The following INPP5A variants were observed in gnomAD, a reference collection of about 807,000 sequenced individuals.
INPP5A encodes the protein inositol polyphosphate-5-phosphatase A.
INPP5A carries 14 observed loss-of-function variants against 65.2 expected under a neutral mutation model. The observed-to-expected ratio is 0.21, with a 90% CI of 0.14 to 0.34. INPP5A has a LOEUF of 0.34. Ranked by LOEUF, INPP5A falls within the 10% of genes least tolerant of loss-of-function variation. The pLI is 1.00. For missense variants in INPP5A, 431 were observed against 545.6 expected, an observed-to-expected ratio of 0.79 and a Z score of 2.09; for synonymous variants, 207 against 208.3, an observed-to-expected ratio of 0.99 and a Z score of 0.05.
At chr10:132,625,110 T>TC (rs1298095727) in intron 2 of INPP5A, among the ~76,000 whole-genome samples, 2 of 52,820 alleles carry the variant, frequency 3.8e-5, no homozygotes, top group Non-Finnish European at 7.1e-5. Flanking sequence ...CCTCTCTCCC[T>TC]CCCCCCTCCC....
At chr10:132,630,057 G>C (rs1298553776) in intron 2 of INPP5A, among the ~76,000 whole-genome samples, 2 of 152,014 alleles carry the variant, frequency 1.3e-5, no homozygotes, top group African/African-American at 4.8e-5. Context: ...GGAGGAGGGC[G>C]TCCTCGAGGA....
chr10:132,775,616 C>T (rs764947119), intron 12 of INPP5A, among the ~76,000 whole-genome samples: 50 of 152,274 alleles, frequency 3.3e-4, no homozygotes, highest in Non-Finnish European at 6.8e-4. Context: ...GGCCAGGACA[C>T]CTCTCTCACC....
At chr10:132,700,236 T>C (rs1472559519) in intron 6 of INPP5A, among the ~76,000 whole-genome samples, 2 of 152,246 alleles carry the variant, frequency 1.3e-5, no homozygotes. Flanking sequence ...CCTCTTTGTG[T>C]GGACCCGTCT....
In INPP5A at chr10:132,714,047, G is replaced by A. The variant is rs2134542358; in HGVS notation, c.647+3591G>A. 2.0e-5 allele frequency among the ~76,000 whole-genome samples: 3 copies of A among 152,310 alleles called. No homozygotes were observed. In the Middle Eastern group the frequency reaches 0.01, roughly 518 times the overall value. On this transcript the variant is annotated intron_variant, in intron 8 of 15. Coordinates refer to ENST00000368594, the MANE Select transcript of INPP5A (RefSeq NM_005539.5). ...ACCAAGCGTCTCGGGGACCTCCCAC[G>A]GAGCCCAGGAGCAGGGAGGGCCCTG...
rs5789138 is a variant in INPP5A, at chr10:132,782,250, GTT to G, written c.*238_*239del. On this transcript the variant is annotated 3_prime_UTR_variant, in exon 16 of 16. Coordinates refer to ENST00000368594, the MANE Select transcript of INPP5A (RefSeq NM_005539.5). This position sits in a 1 kb window ranked among gnomAD's most constrained non-coding sequence, Gnocchi z 4.4. ...TATGTGACATTAAGTAGAAATATTG[GTT>G]TTTTTTTTTTTTTTTTAAATAAGTC... The G allele has an allele frequency of 0.074, 24,136 of 324,378 alleles. 11 individuals carry two copies. Among genetic ancestry groups the G allele is most frequent in the South Asian group, 0.12 (4,908 of 39,664 alleles). 20.1% of individuals were successfully genotyped at this position (324,378 alleles called of 1,614,324 possible). A position where few individuals can be genotyped will look rare whatever the true frequency, so the allele number is the denominator to read the frequency against.
intron 4 of INPP5A, among the ~76,000 whole-genome samples, chr10:132,670,848 T>C (rs1453962499): frequency 2.5e-3 from 379 of 149,916 alleles, no homozygotes; most frequent in African/African-American, 4.6e-3. Flanking sequence ...TCTTTCTTTT[T>C]TTTTTTTTTT....
chr10:132,751,847 C>T (rs183383387), intron 11 of INPP5A, among the ~76,000 whole-genome samples: 133 of 146,522 alleles, frequency 9.1e-4, no homozygotes, highest in African/African-American at 3.2e-3. Flanking sequence ...TTCGTGGAGG[C>T]GGGTGCCCAG....
At chr10:132,666,809 C>T (rs2072810973) in intron 4 of INPP5A, among the ~76,000 whole-genome samples, 1 of 152,216 alleles carries the variant, frequency 6.6e-6, no homozygotes, top group Non-Finnish European at 1.5e-5. Flanking sequence ...TGCAGACCTT[C>T]TCGGCAGGCT....
At chr10:132,759,909 C>T (rs538531586) in intron 11 of INPP5A, among the ~76,000 whole-genome samples, 22 of 152,264 alleles carry the variant, frequency 1.4e-4, no homozygotes, top group Admixed American at 9.8e-4. Context: ...TCACTGTGCC[C>T]GGTGCATTCA....
Position 132,546,314 on chromosome 10 carries a change from C to G in INPP5A, c.75+8143C>G, listed in dbSNP as rs1032779360. Among the ~76,000 whole-genome samples, 2 of 152,182 alleles carry G rather than the reference C, an allele frequency of 1.3e-5. No homozygotes were observed. The highest frequency in any genetic ancestry group is 4.8e-5 in the African/African-American group (2 of 41,450). The stretch of plus-strand genomic sequence containing the variant: ...TGGGAAAAGGCCCTCTGCTGCCGCT[C>G]CAGGTTCAGAAGATGCCGCTTCTGG... On this transcript the variant is annotated intron_variant, in intron 1 of 15. Transcript: ENST00000368594. This position sits in a 1 kb window ranked among gnomAD's most constrained non-coding sequence, Gnocchi z 5.7.
intron 2 of INPP5A, among the ~76,000 whole-genome samples, chr10:132,610,355 G>A (rs997337149): frequency 9.2e-5 from 14 of 151,592 alleles, no homozygotes; most frequent in Non-Finnish European, 2.1e-4. Flanking sequence ...GGAGCCCAGT[G>A]ATGGGGGTGG....
At chr10:132,734,068 C>T (rs1164430554) in intron 9 of INPP5A, among the ~76,000 whole-genome samples, 2 of 152,234 alleles carry the variant, frequency 1.3e-5, no homozygotes, top group East Asian at 1.9e-4. Flanking sequence ...GCTGGTGAAC[C>T]GGGGCTGCGC....
intron 9 of INPP5A, among the ~76,000 whole-genome samples, chr10:132,730,634 C>T (rs1304768112): frequency 6.6e-6 from 1 of 152,206 alleles, no homozygotes; most frequent in Non-Finnish European, 1.5e-5. Flanking sequence ...GGAAAGAAAA[C>T]TGCGGTCTTC....
chr10:132,714,239 CGGCGCGCTCA>C (rs1845700042), intron 8 of INPP5A, among the ~76,000 whole-genome samples: 1 of 152,188 alleles, frequency 6.6e-6, no homozygotes, highest in Non-Finnish European at 1.5e-5. Context: ...ATGGCTCCTG[CGGCGCGCTCA>C]GCCAGCCGCA....
At position 132,769,315 on chromosome 10, in the gene INPP5A, C is replaced by A. The variant is rs557827268; in HGVS notation, c.977+3469C>A. The stretch of plus-strand genomic sequence containing the variant: ...TTCTTCCTAGCGCCTTCTTTAGGGA[C>A]AGCCACAAAAGTGACCTGTTTGAGG... On this transcript the variant is annotated intron_variant, in intron 12 of 15. Transcript: ENST00000368594. Among the ~76,000 whole-genome samples the A allele has an allele frequency of 4.6e-5, 7 of 152,372 alleles. 1 individual carries two copies. The East Asian group carries it at 1.3e-3, about 29-fold the overall frequency.
intron 9 of INPP5A, among the ~76,000 whole-genome samples, chr10:132,739,413 G>A (rs1433129188): frequency 6.6e-6 from 1 of 152,218 alleles, no homozygotes; most frequent in South Asian, 2.1e-4. Flanking sequence ...GGGGCGTGCC[G>A]ACAGAAGGCA....
At chr10:132,781,193 T>A (rs959765666) in intron 14 of INPP5A, among the ~76,000 whole-genome samples, 1 of 152,176 alleles carries the variant, frequency 6.6e-6, no homozygotes, top group East Asian at 1.9e-4. Context: ...AATACATAAT[T>A]TAATATTTGT....
chr10:132,736,445 G>A (rs1846177767), intron 9 of INPP5A, among the ~76,000 whole-genome samples: 1 of 152,262 alleles, frequency 6.6e-6, no homozygotes, highest in Non-Finnish European at 1.5e-5. Context: ...GGTGCCAGCT[G>A]GGCCTGCAGG....
chr10:132,591,163 G>C lies in INPP5A; in HGVS notation c.76-16752G>C, dbSNP rs995340743. Among the ~76,000 whole-genome samples, 3 of 152,134 alleles carry C rather than the reference G, an allele frequency of 2.0e-5. No individual in the cohort carries two copies. The East Asian group carries it at 5.8e-4, about 29-fold the overall frequency. On this transcript the variant is annotated intron_variant, in intron 1 of 15. Transcript: ENST00000368594. ...TTGACTTTTAAGAGTTCTTTCAATT[G>C]CAAGAAGATTAATTATCTGTGATAT...
Sources: allele counts gnomAD v4.1 joint callset (sites outside exome capture counted in the v4.1 genomes callset), GRCh38; gene constraint gnomAD v4.1.1; non-coding constraint Gnocchi (gnomAD v3.1); transcripts MANE v1.5; gene names NCBI Gene and HGNC (gene_info 2026-07-23, HGNC 2026-07-21).